The following KANTR variants were observed in gnomAD, a reference collection of about 807,000 sequenced individuals.
The protein encoded by KANTR is KANTR integral membrane protein, also known as KDM5C adjacent transcript.
At chrX:53,099,729 A>G (rs1556811507) in intron 2 of KANTR, 121 bp downstream of exon 2, 1 of 111,922 alleles carries the variant, frequency 8.9e-6, no homozygotes, top group Non-Finnish European at 1.9e-5. Context: ...GAAAGTCAAT[A>G]TTACTCCTTG....
chrX:53,111,451 A>G (rs781920778), intron 2 of KANTR, among the ~76,000 whole-genome samples: 2 of 111,655 alleles, frequency 1.8e-5, no homozygotes, highest in East Asian at 2.8e-4. Context: ...ATTTCTTTTT[A>G]TAATGTGTTA....
At chrX:53,113,937 C>T (rs782598107) in intron 2 of KANTR, among the ~76,000 whole-genome samples, 3 of 107,542 alleles carry the variant, frequency 2.8e-5, no homozygotes, top group African/African-American at 1.0e-4. Flanking sequence ...CTCACTCTGT[C>T]ACCCAGGCTG....
At chrX:53,131,405 G>A (rs1344134551), downstream of KANTR, among the ~76,000 whole-genome samples, 24 of 111,685 alleles carry the variant, frequency 2.1e-4, no homozygotes, top group Admixed American at 2.3e-3. Context: ...TGTATTAAAA[G>A]GATAATGAAT....
chrX:53,129,045 G>T (rs1933325375), downstream of KANTR, among the ~76,000 whole-genome samples: 1 of 102,699 alleles, frequency 9.7e-6, no homozygotes, highest in African/African-American at 3.5e-5. Context: ...GTCGTTTTTG[G>T]GATGATTTTT....
chrX:53,124,527 A>G, exon 3 of KANTR: 1 of 295,926 alleles, frequency 3.4e-6, no homozygotes, highest in Non-Finnish European at 5.9e-6. Context: ...TGAGCTCATT[A>G]GTTTTCATTC....
chrX:53,098,090 A>G (rs1307778508), intron 1 of KANTR, among the ~76,000 whole-genome samples: 8 of 108,625 alleles, frequency 7.4e-5, no homozygotes, highest in Non-Finnish European at 1.3e-4. Context: ...AAATTATATA[A>G]TTACAGTGTA....
At chrX:53,116,606 T>C (rs1556814610) in intron 2 of KANTR, among the ~76,000 whole-genome samples, 1 of 111,587 alleles carries the variant, frequency 9.0e-6, no homozygotes. Flanking sequence ...GGAGGGAGGA[T>C]GGGGATCACC....
chrX:53,133,884 T>C (rs1377083775), intron 2 of KANTR, among the ~76,000 whole-genome samples: 1 of 111,590 alleles, frequency 9.0e-6, no homozygotes, highest in Non-Finnish European at 1.9e-5. Flanking sequence ...AAGCAGCTCT[T>C]GTAAACTCTT....
At chrX:53,136,693 CATATATATATAT>C (rs58263602) in intron 2 of KANTR, among the ~76,000 whole-genome samples, 207 of 9,304 alleles carry the variant, frequency 0.022, 36 homozygotes, top group East Asian at 0.14. Context: ...CCACGCCCGG[CATATATATATAT>C]ATATATATAT....
rs782348418 is a variant in KANTR at position 53,113,566 on chromosome X, CTTTTTTTTTTTT to C, written c.-804-9892_-804-9881del. Among the ~76,000 whole-genome samples the C allele has an allele frequency of 5.7e-5, 4 of 69,655 alleles. 1 individual carries two copies. In the Admixed American group the frequency reaches 6.4e-4, roughly 11 times the overall value. The allele number at this position is 69,655 out of a possible 115,157, so 60.5% of individuals were successfully genotyped here. A position where few individuals can be genotyped will look rare whatever the true frequency, so the allele number is the denominator to read the frequency against. The stretch of plus-strand genomic sequence containing the variant: ...GTGTGTTTCCCTTTCCCTGATTGTT[CTTTTTTTTTTTT>C]TTTTTTTTTTGAGGTGGAGTCTCGC... On this transcript the variant is annotated intron_variant, in intron 2 of 2. Coordinates refer to ENST00000604062, the Ensembl canonical transcript of KANTR.
chrX:53,147,098 A>C (rs1248019227), downstream of KANTR, among the ~76,000 whole-genome samples: 1 of 111,702 alleles, frequency 9.0e-6, no homozygotes, highest in Non-Finnish European at 1.9e-5. Context: ...TAATGACAGG[A>C]TCGAATTCAC....
chrX:53,117,741 C>T (rs1484557021), intron 2 of KANTR, among the ~76,000 whole-genome samples: 5 of 106,701 alleles, frequency 4.7e-5, no homozygotes, highest in Non-Finnish European at 9.6e-5. Context: ...CTGCCTCAGC[C>T]TCCCGAGTAG....
chrX:53,136,163 C>G (rs1933416994), intron 2 of KANTR, among the ~76,000 whole-genome samples: 1 of 111,931 alleles, frequency 8.9e-6, no homozygotes, highest in South Asian at 3.7e-4. Flanking sequence ...AACACTATTT[C>G]TCTGTCTCAG....
chrX:53,103,073 C>T (rs1217616029), intron 2 of KANTR, among the ~76,000 whole-genome samples: 1 of 107,146 alleles, frequency 9.3e-6, no homozygotes, highest in African/African-American at 3.4e-5. Flanking sequence ...CAGCCTCCGC[C>T]TCCTGGGTTC....
downstream of KANTR, among the ~76,000 whole-genome samples, chrX:53,146,155 C>CTTTGAT (rs1933572858): frequency 8.9e-6 from 1 of 111,949 alleles, no homozygotes; most frequent in Non-Finnish European, 1.9e-5. Flanking sequence ...TGGAGAATGA[C>CTTTGAT]GAGTTGAGAG....
intron 2 of KANTR, among the ~76,000 whole-genome samples, chrX:53,115,177 G>A (rs1383148180): frequency 1.8e-5 from 2 of 111,472 alleles, no homozygotes; most frequent in Non-Finnish European, 3.8e-5. Context: ...GCAGGCCTGC[G>A]GCCTAGGGCT....
chrX:53,145,226 C>T (rs955408471), downstream of KANTR, among the ~76,000 whole-genome samples: 13 of 111,716 alleles, frequency 1.2e-4, no homozygotes, highest in African/African-American at 4.2e-4. Flanking sequence ...TCGGGAAGCA[C>T]AAGGGGTCAG....
chrX:53,101,242 T>G (rs1556811799), intron 2 of KANTR, among the ~76,000 whole-genome samples: 1 of 112,877 alleles, frequency 8.9e-6, no homozygotes, highest in African/African-American at 3.2e-5. Context: ...AGCCTAGCCT[T>G]CGGCCTCTCT....
chrX:53,117,609 GTTTTTTTTT>G (rs869034016), intron 2 of KANTR, among the ~76,000 whole-genome samples: 1 of 63,873 alleles, frequency 1.6e-5, no homozygotes, highest in African/African-American at 6.9e-5. Flanking sequence ...GTGTGTGTGT[GTTTTTTTTT>G]TTTTTTTTTT....
Sources: allele counts gnomAD v4.1 joint callset (sites outside exome capture counted in the v4.1 genomes callset), GRCh38; gene constraint gnomAD v4.1.1; transcripts MANE v1.5; gene names NCBI Gene and HGNC (gene_info 2026-07-23, HGNC 2026-07-21).